Variants in GNG4 observed in about 807,000 individuals in gnomAD.
The protein encoded by GNG4 is G protein subunit gamma 4.
Under a neutral mutation model 5.8 loss-of-function variants are expected in GNG4, and 4 were observed. The observed-to-expected ratio is 0.69, with a 90% CI of 0.34 to 1.57. The LOEUF (loss-of-function observed/expected upper bound fraction) is 1.57. Ranked by LOEUF, GNG4 falls within the 40% of genes most tolerant of loss-of-function variation. GNG4 has a pLI of 0.06. For missense variants in GNG4, 96 were observed against 95.1 expected, an observed-to-expected ratio of 1.01 and a Z score of -0.04; for synonymous variants, 29 against 32.9, an observed-to-expected ratio of 0.88 and a Z score of 0.41.
At chr1:235,593,948 G>A (rs766591696) in intron 2 of GNG4, among the ~76,000 whole-genome samples, 1 of 152,252 alleles carries the variant, frequency 6.6e-6, no homozygotes, top group Non-Finnish European at 1.5e-5. Context: ...ACCCCAGCTG[G>A]CGCGGGCAGC....
intron 3 of GNG4, among the ~76,000 whole-genome samples, chr1:235,571,168 G>A (rs1687332958): frequency 6.6e-6 from 1 of 151,872 alleles, no homozygotes; most frequent in East Asian, 1.9e-4. Flanking sequence ...AGCAAAAGAA[G>A]AATTTAACAT....
chr1:235,634,677 T>A (rs1688997977), intron 1 of GNG4, among the ~76,000 whole-genome samples: 1 of 152,240 alleles, frequency 6.6e-6, no homozygotes, highest in Non-Finnish European at 1.5e-5. Flanking sequence ...ACGCAGTGGC[T>A]CACGCCTGTA....
At chr1:235,575,883 C>T (rs185173715) in intron 3 of GNG4, among the ~76,000 whole-genome samples, 44 of 152,232 alleles carry the variant, frequency 2.9e-4, no homozygotes, top group Admixed American at 2.6e-3. Flanking sequence ...TGCCTGGGAG[C>T]GCTGCACTTC....
intron 3 of GNG4, among the ~76,000 whole-genome samples, chr1:235,577,078 G>A (rs140523981): frequency 2.3e-3 from 356 of 152,208 alleles, no homozygotes; most frequent in African/African-American, 8.1e-3. Flanking sequence ...TTTCCTGGGC[G>A]GCAAATGCCT....
At chr1:235,596,263 C>T (rs1323635043) in intron 1 of GNG4, among the ~76,000 whole-genome samples, 5 of 150,076 alleles carry the variant, frequency 3.3e-5, no homozygotes, top group Non-Finnish European at 7.4e-5. Flanking sequence ...CCTGGCCGGG[C>T]GCAGGGGCTT....
At chr1:235,562,635 GCT>G (rs1381068855) in intron 3 of GNG4, among the ~76,000 whole-genome samples, 1 of 127,678 alleles carries the variant, frequency 7.8e-6, no homozygotes, top group Non-Finnish European at 1.7e-5. Flanking sequence ...ACAGAGCAAG[GCT>G]CTGTCTCAAG....
chr1:235,571,909 C>T (rs1317108345), intron 3 of GNG4, among the ~76,000 whole-genome samples: 1 of 152,162 alleles, frequency 6.6e-6, no homozygotes, highest in Non-Finnish European at 1.5e-5. Flanking sequence ...AGGATCAGGG[C>T]TCACTGCAGC....
intron 3 of GNG4, among the ~76,000 whole-genome samples, chr1:235,579,606 T>G (rs1571890645): frequency 6.6e-6 from 1 of 151,824 alleles, no homozygotes; most frequent in Non-Finnish European, 1.5e-5. Flanking sequence ...ATCCCAGCAC[T>G]TAGAGAGGCC....
chr1:235,585,528 G>C (rs1687739682), intron 2 of GNG4, among the ~76,000 whole-genome samples: 1 of 152,018 alleles, frequency 6.6e-6, no homozygotes, highest in Non-Finnish European at 1.5e-5. Context: ...GATAACGTGT[G>C]TGTGCTTTTG....
Position 235,648,237 on chromosome 1 carries a change from A to C in GNG4, c.-123+1425T>G, listed in dbSNP as rs1655277971. ...TTGTCCTAAATAGTCATTTCAGCCTAACTAACCCCATGGTGAGGCTGCTCA... is the reference window on the plus strand; with the variant it reads ...TTGTCCTAAATAGTCATTTCAGCCTCACTAACCCCATGGTGAGGCTGCTCA... On this transcript the variant is annotated intron_variant, in intron 1 of 3. Transcript: ENST00000391854. This position sits in a 1 kb window ranked among gnomAD's most constrained non-coding sequence, Gnocchi z 5.0. 6.6e-6 allele frequency among the ~76,000 whole-genome samples: 1 copy of C among 152,128 alleles called. No homozygotes were observed. The highest frequency in any genetic ancestry group is 2.4e-5 in the African/African-American group (1 of 41,400).
At chr1:235,571,689 G>A (rs1282494200) in intron 3 of GNG4, among the ~76,000 whole-genome samples, 1 of 152,114 alleles carries the variant, frequency 6.6e-6, no homozygotes, top group African/African-American at 2.4e-5. Flanking sequence ...GAAATGCCTT[G>A]TTAGATGATT....
intron 1 of GNG4, among the ~76,000 whole-genome samples, chr1:235,640,961 A>T (rs1657309176): frequency 6.6e-6 from 1 of 152,268 alleles, no homozygotes; most frequent in African/African-American, 2.4e-5. Context: ...TTTTGCAAAA[A>T]GAATCTCTGT....
At chr1:235,586,874 T>C (rs927985629) in intron 2 of GNG4, among the ~76,000 whole-genome samples, 1 of 152,190 alleles carries the variant, frequency 6.6e-6, no homozygotes, top group African/African-American at 2.4e-5. Flanking sequence ...CAGTATCAAG[T>C]ATTCCTTTAC....
chr1:235,589,989 T>TC (rs1389281782), intron 2 of GNG4, among the ~76,000 whole-genome samples: 4 of 152,078 alleles, frequency 2.6e-5, no homozygotes, highest in African/African-American at 9.7e-5. Flanking sequence ...ACCGCTCCCC[T>TC]CCCCAAGGGA....
At chr1:235,575,596 C>A (rs1687464184) in intron 3 of GNG4, among the ~76,000 whole-genome samples, 1 of 152,204 alleles carries the variant, frequency 6.6e-6, no homozygotes, top group Non-Finnish European at 1.5e-5. Flanking sequence ...ACACCCACCC[C>A]ACGGATGTTG....
intron 3 of GNG4, among the ~76,000 whole-genome samples, chr1:235,557,572 T>C (rs1444375808): frequency 6.6e-6 from 1 of 152,056 alleles, no homozygotes; most frequent in African/African-American, 2.4e-5. Flanking sequence ...GGTCAGAAGT[T>C]GGCTGGCTAA....
rs956248451 is a variant in GNG4 at position 235,590,029 on chromosome 1, A to G, written c.-11+5371T>C. ...CCCTACACTCACCCCTCCATCCTGT[A>G]ATGTCCACGTCTCTGGCGCTTTTCC... is the stretch of plus-strand genomic sequence containing the variant. On this transcript the variant is annotated intron_variant, in intron 2 of 3. Transcript: ENST00000391854. Among the ~76,000 whole-genome samples, 3 of 152,312 alleles carry G rather than the reference A, an allele frequency of 2.0e-5. No homozygotes were observed. The Middle Eastern group carries it at 0.01, about 518-fold the overall frequency.
intron 3 of GNG4, among the ~76,000 whole-genome samples, chr1:235,561,678 A>G (rs1407471431): frequency 2.6e-5 from 4 of 152,232 alleles, no homozygotes. Flanking sequence ...TACAGGCGAG[A>G]GCCACCGCAC....
chr1:235,623,180 C>G (rs1439220022), intron 1 of GNG4, among the ~76,000 whole-genome samples: 1 of 152,122 alleles, frequency 6.6e-6, no homozygotes, highest in South Asian at 2.1e-4. Flanking sequence ...GGAGATTTAG[C>G]CTGCATGCAG....
Sources: allele counts gnomAD v4.1 joint callset (sites outside exome capture counted in the v4.1 genomes callset), GRCh38; gene constraint gnomAD v4.1.1; non-coding constraint Gnocchi (gnomAD v3.1); transcripts MANE v1.5; gene names NCBI Gene and HGNC (gene_info 2026-07-23, HGNC 2026-07-21).